The following CHRM3 variants were observed in gnomAD, a reference collection of about 807,000 sequenced individuals.
The protein encoded by CHRM3 is cholinergic receptor muscarinic 3.
In CHRM3, 11 loss-of-function variants were observed where a neutral mutation model predicts 41.8. The observed-to-expected ratio is 0.26, with a 90% CI of 0.17 to 0.44. The LOEUF is 0.44. CHRM3 is among the 20% of genes least tolerant of loss of function. The pLI is 1.00. For synonymous variants in CHRM3, 297 were observed against 301.4 expected (o/e 0.99, Z 0.15); for missense variants, 571 against 745.4 (o/e 0.77, Z 2.72).
chr1:239,643,818 C>T lies in CHRM3; in HGVS notation c.-250+11532C>T, dbSNP rs529497386. On this transcript the variant is annotated intron_variant, in intron 4 of 6. Coordinates refer to ENST00000676153, the MANE Select transcript of CHRM3 (RefSeq NM_001375978.1). ...CTGGCACTCCCTAGTGAGATGAACC[C>T]GGGACCTCAGGTGGAAATGCAGAAA... is the stretch of plus-strand genomic sequence containing the variant. 8.5e-5 allele frequency among the ~76,000 whole-genome samples: 13 copies of T among 152,266 alleles called. No homozygotes were observed. In the East Asian group the frequency reaches 1.2e-3, roughly 14 times the overall value.
intron 5 of CHRM3, among the ~76,000 whole-genome samples, chr1:239,722,178 C>T (rs1558486603): frequency 1.3e-5 from 2 of 151,878 alleles, no homozygotes; most frequent in Admixed American, 6.6e-5. Flanking sequence ...TTTTGTCAGG[C>T]GATTTATAAA....
chr1:239,767,600 T>C (rs1428283349), intron 5 of CHRM3, among the ~76,000 whole-genome samples: 1 of 152,234 alleles, frequency 6.6e-6, no homozygotes, highest in Non-Finnish European at 1.5e-5. Context: ...TCAATGACTA[T>C]AATTATATAA....
chr1:239,766,544 G>A (rs1381733419), intron 5 of CHRM3, among the ~76,000 whole-genome samples: 3 of 151,802 alleles, frequency 2.0e-5, no homozygotes, highest in Non-Finnish European at 4.4e-5. Context: ...CCCCAAAAAG[G>A]AATAAATTAG....
chr1:239,401,970 C>A (rs1434130683), intron 1 of CHRM3, among the ~76,000 whole-genome samples: 1 of 152,124 alleles, frequency 6.6e-6, no homozygotes, highest in Non-Finnish European at 1.5e-5. Flanking sequence ...CTGGAGATGA[C>A]CTGGCCTCTT....
intron 3 of CHRM3, among the ~76,000 whole-genome samples, chr1:239,594,046 A>G (rs997148): frequency 0.78 from 118,838 of 152,196 alleles, 50,666 homozygotes; most frequent in Non-Finnish European, 0.93. Context: ...ATAAGCAGGT[A>G]TCCTTTTTTC....
intron 5 of CHRM3, among the ~76,000 whole-genome samples, chr1:239,754,104 A>G (rs913948832): frequency 2.0e-5 from 3 of 152,258 alleles, no homozygotes; most frequent in African/African-American, 7.2e-5. Flanking sequence ...AAGGGAGCTT[A>G]TACTTTAAGG....
At chr1:239,576,296 G>A (rs1341321251) in intron 3 of CHRM3, among the ~76,000 whole-genome samples, 2 of 151,952 alleles carry the variant, frequency 1.3e-5, no homozygotes, top group African/African-American at 2.4e-5. Context: ...GGGATCGTAA[G>A]TTAATGGCAC....
At chr1:239,517,251 G>C (rs150607181) in intron 2 of CHRM3, among the ~76,000 whole-genome samples, 2,092 of 152,270 alleles carry the variant, frequency 0.014, 35 homozygotes, top group Non-Finnish European at 0.019. Flanking sequence ...GAAAGTGCTA[G>C]CTGTGTCTTA....
intron 3 of CHRM3, among the ~76,000 whole-genome samples, chr1:239,574,022 T>C (rs1432373158): frequency 6.6e-6 from 1 of 152,162 alleles, no homozygotes; most frequent in Non-Finnish European, 1.5e-5. Flanking sequence ...TGTACAAGGA[T>C]GACCCTGAAA....
chr1:239,833,309 C>T (rs2149109278), intron 6 of CHRM3, among the ~76,000 whole-genome samples: 1 of 152,310 alleles, frequency 6.6e-6, no homozygotes, highest in Admixed American at 6.5e-5. Context: ...AGCTCCTTGA[C>T]TGCTCATGCC....
intron 6 of CHRM3, among the ~76,000 whole-genome samples, chr1:239,904,985 T>C (rs1204806339): frequency 6.6e-6 from 1 of 152,230 alleles, no homozygotes; most frequent in Non-Finnish European, 1.5e-5. Context: ...GATCATGGAT[T>C]TTGGCATTTT....
In CHRM3 at chr1:239,759,953, C is replaced by T. The variant is rs541808820; in HGVS notation, c.-146-67299C>T. On this transcript the variant is annotated intron_variant, in intron 5 of 6. Transcript: ENST00000676153. ...TTTTTGAGATGGAGTCTCGCTCCAT[C>T]GCCTAGGCTGGAGTGCAGTGGCGCG... is the stretch of plus-strand genomic sequence containing the variant. 4.1e-4 allele frequency among the ~76,000 whole-genome samples: 63 copies of T among 152,164 alleles called. No individual in the cohort carries two copies. The South Asian group carries it at 0.013, about 32-fold the overall frequency.
intron 5 of CHRM3, among the ~76,000 whole-genome samples, chr1:239,761,612 C>G (rs959137528): frequency 6.6e-6 from 1 of 152,194 alleles, no homozygotes; most frequent in African/African-American, 2.4e-5. Flanking sequence ...AGTGCCTACT[C>G]TGGCACTACC....
intron 6 of CHRM3, among the ~76,000 whole-genome samples, chr1:239,833,211 TC>T (rs1414003441): frequency 6.6e-6 from 1 of 152,160 alleles, no homozygotes; most frequent in Non-Finnish European, 1.5e-5. Flanking sequence ...GGTGACTTGG[TC>T]CCTCCCTTTA....
chr1:239,615,270 T>C (rs1667508321), intron 3 of CHRM3, among the ~76,000 whole-genome samples: 1 of 152,198 alleles, frequency 6.6e-6, no homozygotes, highest in African/African-American at 2.4e-5. Context: ...GCATCTCTAT[T>C]TTATAAGAAC....
intron 6 of CHRM3, among the ~76,000 whole-genome samples, chr1:239,834,679 T>A (rs962664698): frequency 6.6e-6 from 1 of 152,190 alleles, no homozygotes; most frequent in African/African-American, 2.4e-5. Flanking sequence ...GCTGTCTTTC[T>A]GAGTATTCAT....
At chr1:239,892,835 C>A (rs967762771) in intron 6 of CHRM3, among the ~76,000 whole-genome samples, 1 of 152,160 alleles carries the variant, frequency 6.6e-6, no homozygotes, top group African/African-American at 2.4e-5. Flanking sequence ...CATCTGAATC[C>A]TGGACAGTGT....
chr1:239,874,201 C>T (rs1005016802), intron 6 of CHRM3, among the ~76,000 whole-genome samples: 5 of 144,504 alleles, frequency 3.5e-5, no homozygotes, highest in Admixed American at 7.1e-5. Context: ...CTTTGCATAA[C>T]TTCCTTGCAG....
intron 5 of CHRM3, among the ~76,000 whole-genome samples, chr1:239,694,292 G>A (rs1659980579): frequency 6.6e-6 from 1 of 152,172 alleles, no homozygotes; most frequent in African/African-American, 2.4e-5. Context: ...GAGGCATGAA[G>A]TCAACAATGA....
Sources: gnomAD v4.1 joint callset for allele counts (sites outside exome capture counted in the v4.1 genomes callset) on GRCh38, gnomAD v4.1.1 for gene constraint, MANE v1.5 for transcripts, NCBI Gene and HGNC (gene_info 2026-07-23, HGNC 2026-07-21) for gene names.